NCEH1: variants seen among roughly 807,000 people sequenced by gnomAD.
NCEH1 encodes the protein neutral cholesterol ester hydrolase 1.
NCEH1 carries 9 observed loss-of-function variants against 25.4 expected under a neutral mutation model. That is an observed-to-expected ratio of 0.35 (90% CI 0.21 to 0.62). The LOEUF (loss-of-function observed/expected upper bound fraction) is 0.62, where lower values mean the gene tolerates loss of function less well. Among genes scored for constraint, NCEH1 ranks in the 20% least tolerant of loss-of-function variants. The pLI, the probability that NCEH1 is intolerant of heterozygous loss-of-function variation, is 0.72. For missense variants in NCEH1, 412 were observed against 501.1 expected (o/e 0.82, Z 1.70); for synonymous variants, 200 against 199.8 (o/e 1.00, Z -0.01).
At chr3:172,638,033 C>G (rs576178879) in intron 3 of NCEH1, among the ~76,000 whole-genome samples, 1 of 152,204 alleles carries the variant, frequency 6.6e-6, no homozygotes, top group East Asian at 1.9e-4. Context: ...AAGAGCAAGA[C>G]CCTGTCTCAA....
intron 1 of NCEH1, among the ~76,000 whole-genome samples, chr3:172,706,902 TTTTTG>T (rs2108231536): frequency 6.6e-6 from 1 of 152,300 alleles, no homozygotes; most frequent in East Asian, 1.9e-4. Context: ...GTTCAACAAG[TTTTTG>T]TTTTTTTTCT....
At chr3:172,635,471 G>A (rs764673462) in intron 4 of NCEH1, among the ~76,000 whole-genome samples, 7 of 152,020 alleles carry the variant, frequency 4.6e-5, no homozygotes, top group Non-Finnish European at 7.4e-5. Flanking sequence ...TGGCTGAATC[G>A]TTTAATTTCT....
Position 172,630,753 on chromosome 3 carries a change from A to C in NCEH1, c.*2722T>G, listed in dbSNP as rs1013685846. On this transcript the variant is annotated 3_prime_UTR_variant, in exon 5 of 5. Transcript: ENST00000475381. ...TTTCACTTTATAAAATATATTTGCT[A>C]TTAAAATCATTCATAAAATCTACCT... The C allele has an allele frequency of 6.6e-6, 1 of 152,248 alleles. No individual in the cohort carries two copies. Among genetic ancestry groups the C allele is most frequent in the Non-Finnish European group, 1.5e-5 (1 of 68,048 alleles). 9.4% of individuals were successfully genotyped at this position (152,248 alleles called of 1,614,324 possible). A position where few individuals can be genotyped will look rare whatever the true frequency, so the allele number is the denominator to read the frequency against.
chr3:172,681,271 TA>T (rs1444779382), intron 1 of NCEH1: 2 of 151,832 alleles, frequency 1.3e-5, no homozygotes, highest in Admixed American at 1.3e-4. Flanking sequence ...AACAAAGAAC[TA>T]AAGCGTTTAA....
In NCEH1 at chr3:172,658,164, T is replaced by C. The variant is rs184362422; in HGVS notation, c.139-10050A>G. Reference sequence around the variant, plus strand: ...AACCAAGATGGCAATGAGAGTGACCTCTGGTGGTCCTCACTGCTACACTCC... The same window carrying C: ...AACCAAGATGGCAATGAGAGTGACCCCTGGTGGTCCTCACTGCTACACTCC... On this transcript the variant is annotated intron_variant, in intron 1 of 4. Coordinates refer to ENST00000475381, the MANE Select transcript of NCEH1 (RefSeq NM_020792.6). Among the ~76,000 whole-genome samples the C allele has an allele frequency of 2.6e-5, 4 of 152,280 alleles. No homozygotes were observed. The East Asian group carries it at 7.7e-4, about 29-fold the overall frequency.
At chr3:172,651,715 C>T (rs533705411) in intron 1 of NCEH1, among the ~76,000 whole-genome samples, 86 of 152,170 alleles carry the variant, frequency 5.7e-4, no homozygotes, top group Admixed American at 1.2e-3. Flanking sequence ...TGCACCACCA[C>T]TCCTGGCTAC....
intron 1 of NCEH1, among the ~76,000 whole-genome samples, chr3:172,658,759 T>C (rs1261941333): frequency 6.6e-6 from 1 of 151,676 alleles, no homozygotes; most frequent in Non-Finnish European, 1.5e-5. Flanking sequence ...TTGGTTTTTT[T>C]CCTCCCAGAA....
In NCEH1 at chr3:172,650,566, A is replaced by G. The variant is rs868761786; in HGVS notation, c.139-2452T>C. On this transcript the variant is annotated intron_variant, in intron 1 of 4. Coordinates refer to ENST00000475381, the MANE Select transcript of NCEH1 (RefSeq NM_020792.6). The stretch of plus-strand genomic sequence containing the variant: ...TGGGAGGCTGAGGCAGGAGAATGGC[A>G]TGAACCCTGGAGGCAGAGCTTGCAG... Among the ~76,000 whole-genome samples, 10 of 151,144 alleles carry G rather than the reference A, an allele frequency of 6.6e-5. No individual in the cohort carries two copies. The South Asian group carries it at 1.0e-3, about 16-fold the overall frequency.
At chr3:172,707,075 A>C (rs1714045519) in intron 1 of NCEH1, among the ~76,000 whole-genome samples, 1 of 152,164 alleles carries the variant, frequency 6.6e-6, no homozygotes, top group African/African-American at 2.4e-5. Context: ...TTTGATGGAT[A>C]TTGCCAAACT....
At chr3:172,660,860 T>C (rs909978545) in intron 1 of NCEH1, among the ~76,000 whole-genome samples, 1 of 152,214 alleles carries the variant, frequency 6.6e-6, no homozygotes, top group Non-Finnish European at 1.5e-5. Flanking sequence ...TCTTTGTAGA[T>C]TCTGGATATT....
intron 1 of NCEH1, among the ~76,000 whole-genome samples, chr3:172,694,217 T>C (rs1443257466): frequency 6.6e-6 from 1 of 152,176 alleles, no homozygotes; most frequent in Non-Finnish European, 1.5e-5. Flanking sequence ...CTAATAGGAT[T>C]TAATCTAAAA....
intron 1 of NCEH1, among the ~76,000 whole-genome samples, chr3:172,676,688 A>C (rs766584633): frequency 7.9e-5 from 12 of 151,922 alleles, no homozygotes; most frequent in Non-Finnish European, 1.5e-4. Flanking sequence ...CCGCTCCTTA[A>C]AACTACTCCA....
chr3:172,650,811 C>CGA (rs1717363474), intron 1 of NCEH1, among the ~76,000 whole-genome samples: 1 of 89,984 alleles, frequency 1.1e-5, no homozygotes, highest in Non-Finnish European at 2.1e-5. Context: ...GACTCTGCCT[C>CGA]GAAAAAAAAA....
At chr3:172,680,849 C>T (rs931889151) in intron 1 of NCEH1, 2 of 152,126 alleles carry the variant, frequency 1.3e-5, no homozygotes, top group Non-Finnish European at 2.9e-5. Flanking sequence ...CTAGGCTGCG[C>T]AAAGAATGAC....
At chr3:172,695,878 A>G (rs1713338864) in intron 1 of NCEH1, among the ~76,000 whole-genome samples, 1 of 152,104 alleles carries the variant, frequency 6.6e-6, no homozygotes, top group Non-Finnish European at 1.5e-5. Context: ...TAGGAGGCAG[A>G]GGTTGCAATG....
chr3:172,700,411 T>C (rs1272779902), intron 1 of NCEH1, among the ~76,000 whole-genome samples: 1 of 152,182 alleles, frequency 6.6e-6, no homozygotes, highest in Middle Eastern at 3.2e-3. Context: ...TAAGTTATCA[T>C]GAGTGTCCTC....
intron 1 of NCEH1, among the ~76,000 whole-genome samples, chr3:172,686,777 C>T (rs1712723853): frequency 6.6e-6 from 1 of 152,192 alleles, no homozygotes. Context: ...TTTCTCCTAA[C>T]TTCATAACCA....
Position 172,639,720 on chromosome 3 carries a change from A to G in NCEH1, c.438-3633T>C, listed in dbSNP as rs543480359. Among the ~76,000 whole-genome samples, 17 of 152,322 alleles carry G rather than the reference A, an allele frequency of 1.1e-4. No homozygotes were observed. The South Asian group carries it at 2.3e-3, about 20-fold the overall frequency. On this transcript the variant is annotated intron_variant, in intron 3 of 4. Coordinates refer to ENST00000475381, the MANE Select transcript of NCEH1 (RefSeq NM_020792.6). Reference sequence around the variant, plus strand: ...ATGACTCTGCAATGACAAGTGGATTACCTAGCTTTATCACTGCATGTAACT... The same window carrying G: ...ATGACTCTGCAATGACAAGTGGATTGCCTAGCTTTATCACTGCATGTAACT...
At chr3:172,702,757 G>A (rs1713766642) in intron 1 of NCEH1, among the ~76,000 whole-genome samples, 3 of 152,192 alleles carry the variant, frequency 2.0e-5, no homozygotes, top group Admixed American at 2.0e-4. Context: ...GCCAAAGCAA[G>A]AGGATCACTT....
Sources: gnomAD v4.1 joint callset for allele counts (sites outside exome capture counted in the v4.1 genomes callset) on GRCh38, gnomAD v4.1.1 for gene constraint, MANE v1.5 for transcripts, NCBI Gene and HGNC (gene_info 2026-07-23, HGNC 2026-07-21) for gene names.